PARP8: variants seen among roughly 807,000 people sequenced by gnomAD.
The protein encoded by PARP8 is poly(ADP-ribose) polymerase family member 8, also known as protein mono-ADP-ribosyltransferase PARP8.
A neutral mutation model predicts 124.1 loss-of-function variants in PARP8; 51 were observed. The ratio of observed to expected loss-of-function variants is 0.41; its 90% CI spans 0.33 to 0.52. The LOEUF is 0.52. Ranked by LOEUF, PARP8 falls within the 20% of genes least tolerant of loss-of-function variation. The probability of loss-of-function intolerance (pLI) is 0.21; values close to 1 mark genes in which losing one functional copy is unlikely to be tolerated. For synonymous variants in PARP8, 391 were observed against 361.5 expected (o/e 1.08, Z -0.93); for missense variants, 860 against 1,018.9 (o/e 0.84, Z 2.12).
intron 9 of PARP8, among the ~76,000 whole-genome samples, chr5:50,788,199 A>C (rs1741499784): frequency 6.9e-6 from 1 of 145,578 alleles, no homozygotes; most frequent in African/African-American, 2.5e-5. Flanking sequence ...ATATTAATGT[A>C]TAATATATAT....
In PARP8 at chr5:50,843,887, G is replaced by A. The variant is rs1217391043; in HGVS notation, c.*1819G>A. ...TAGACAGTCTATACATGACAAACAT[G>A]AAGATCTAATATCAAGATTTGGGAG... On this transcript the variant is annotated 3_prime_UTR_variant, in exon 26 of 26. Coordinates refer to ENST00000281631, the MANE Select transcript of PARP8 (RefSeq NM_024615.4). 1 of 151,762 alleles carries A rather than the reference G, an allele frequency of 6.6e-6. No homozygotes were observed. The allele number at this position is 151,762 out of a possible 1,614,324, so 9.4% of individuals were successfully genotyped here. A position where few individuals can be genotyped will look rare whatever the true frequency, so the allele number is the denominator to read the frequency against.
At chr5:50,687,158 A>G (rs2149454058) in intron 2 of PARP8, among the ~76,000 whole-genome samples, 1 of 152,286 alleles carries the variant, frequency 6.6e-6, no homozygotes, top group East Asian at 1.9e-4. Flanking sequence ...CCCAGGTCAC[A>G]TCTTGAATGC....
chr5:50,787,568 C>A (rs1172104300), intron 9 of PARP8, among the ~76,000 whole-genome samples: 1 of 151,958 alleles, frequency 6.6e-6, no homozygotes, highest in East Asian at 1.9e-4. Flanking sequence ...ATCTATTTTT[C>A]TATCTGTTTT....
intron 15 of PARP8, 142 bp downstream of exon 15, chr5:50,815,666 T>A (rs1745020849): frequency 1.9e-6 from 1 of 528,520 alleles, no homozygotes; most frequent in Non-Finnish European, 3.2e-6. Context: ...TGATTTTTTT[T>A]ATATGTAAAC....
chr5:50,685,927 C>T (rs1751810165), intron 2 of PARP8, among the ~76,000 whole-genome samples: 1 of 152,296 alleles, frequency 6.6e-6, no homozygotes, highest in African/African-American at 2.4e-5. Context: ...GTCCCTCCCA[C>T]AACACATGGA....
intron 2 of PARP8, among the ~76,000 whole-genome samples, chr5:50,712,838 AG>A (rs1320224427): frequency 6.6e-6 from 1 of 151,786 alleles, no homozygotes; most frequent in Non-Finnish European, 1.5e-5. Context: ...AGGAGGAACA[AG>A]GTTTTTTTTT....
At chr5:50,772,614 C>A (rs1471069916) in intron 7 of PARP8, among the ~76,000 whole-genome samples, 6 of 152,186 alleles carry the variant, frequency 3.9e-5, no homozygotes, top group African/African-American at 1.4e-4. Context: ...TGATGTTGAA[C>A]ATTTTTTCAT....
At chr5:50,739,022 C>T in intron 2 of PARP8, 3 of 702,530 alleles carry the variant, frequency 4.3e-6, no homozygotes, top group Non-Finnish European at 7.8e-6. Context: ...AGAAGGCTAA[C>T]CAGCAGAGAC....
At chr5:50,758,893 C>T (rs1487127371) in intron 3 of PARP8, among the ~76,000 whole-genome samples, 1 of 152,016 alleles carries the variant, frequency 6.6e-6, no homozygotes, top group Non-Finnish European at 1.5e-5. Context: ...AATTTAAGGA[C>T]CCTGTAGACT....
At chr5:50,681,261 T>C (rs926904067) in intron 2 of PARP8, among the ~76,000 whole-genome samples, 5 of 152,158 alleles carry the variant, frequency 3.3e-5, no homozygotes, top group African/African-American at 9.6e-5. Flanking sequence ...AATTAAGCAA[T>C]TGATATTTGT....
chr5:50,783,400 C>T (rs1448758264), intron 9 of PARP8, among the ~76,000 whole-genome samples: 1 of 152,100 alleles, frequency 6.6e-6, no homozygotes, highest in African/African-American at 2.4e-5. Context: ...AACACAATGG[C>T]CTATGTGTAT....
intron 2 of PARP8, chr5:50,668,697 C>T (rs1279207840): frequency 1.3e-5 from 2 of 152,302 alleles, no homozygotes; most frequent in African/African-American, 4.8e-5. Context: ...GAGAGATGCA[C>T]ATTTCGTTAG....
chr5:50,799,993 A>G (rs558741663), intron 14 of PARP8, among the ~76,000 whole-genome samples: 28 of 152,346 alleles, frequency 1.8e-4, no homozygotes, highest in African/African-American at 6.7e-4. Context: ...TAAGCCACCC[A>G]GCCTATGGTA....
intron 25 of PARP8, among the ~76,000 whole-genome samples, chr5:50,836,028 G>C (rs1412853876): frequency 6.6e-6 from 1 of 152,142 alleles, no homozygotes; most frequent in Non-Finnish European, 1.5e-5. Flanking sequence ...GGTTGCTTCG[G>C]TATACTGTAT....
chr5:50,829,205 A>G (rs528385404), intron 21 of PARP8, among the ~76,000 whole-genome samples: 20 of 152,306 alleles, frequency 1.3e-4, no homozygotes, highest in African/African-American at 4.8e-4. Context: ...TATGCCTTTC[A>G]TCCTGCACAT....
Position 50,795,136 on chromosome 5 carries a change from A to G in PARP8, c.1147A>G (p.Arg383Gly), listed in dbSNP as rs1457947168. 1 of 1,614,216 alleles carries G rather than the reference A, an allele frequency of 6.2e-7. No individual in the cohort carries two copies. Among genetic ancestry groups the G allele is most frequent in the Non-Finnish European group, 8.5e-7 (1 of 1,180,030 alleles). Residue 383 changes from arginine (R) to glycine (G), a missense_variant, in exon 12 of 26, where the codon AGA becomes GGA. By Grantham distance (125) the Arg-to-Gly change is moderately radical (BLOSUM62 -2). Transcript: ENST00000281631. ...SEECLTLKSH[R>G]LLTRSCSGDP... is the part of the protein sequence containing the mutation. ...GGAATGCCTAACTCTAAAGTCGCAT[A>G]GACTATTGACTCGATCTTGTTCTGG... is the stretch of plus-strand genomic sequence containing the variant.
chr5:50,698,671 G>A (rs1272405585), intron 2 of PARP8, among the ~76,000 whole-genome samples: 2 of 152,122 alleles, frequency 1.3e-5, no homozygotes, highest in African/African-American at 2.4e-5. Context: ...TGATGAGATA[G>A]TACCTTTATC....
At chr5:50,695,007 G>C (rs942441473) in intron 2 of PARP8, among the ~76,000 whole-genome samples, 2 of 152,140 alleles carry the variant, frequency 1.3e-5, no homozygotes, top group Admixed American at 1.3e-4. Context: ...TGTTCTAGCC[G>C]TGCTGGTAGT....
At chr5:50,821,161 A>C in intron 15 of PARP8, 52 bp from the exon 16 acceptor site, 1 of 1,603,316 alleles carries the variant, frequency 6.2e-7, no homozygotes, top group Non-Finnish European at 8.5e-7. Flanking sequence ...ACAATGGCAA[A>C]GCACTGGATA....
Sources: allele counts gnomAD v4.1 joint callset (sites outside exome capture counted in the v4.1 genomes callset), GRCh38; gene constraint gnomAD v4.1.1; transcripts MANE v1.5; gene names NCBI Gene and HGNC (gene_info 2026-07-23, HGNC 2026-07-21).